CEMIP: variants seen among roughly 807,000 people sequenced by gnomAD.
CEMIP encodes cell migration-inducing and hyaluronan-binding protein.
A neutral mutation model predicts 156.9 loss-of-function variants in CEMIP; 105 were observed. The ratio of observed to expected loss-of-function variants is 0.67; its 90% CI spans 0.57 to 0.79. The LOEUF (loss-of-function observed/expected upper bound fraction) is 0.79, where lower values mean the gene tolerates loss of function less well. Among genes scored for constraint, CEMIP ranks in the 30% least tolerant of loss-of-function variants. The pLI is 0.00. For synonymous variants in CEMIP, 676 were observed against 668.4 expected (o/e 1.01, Z -0.17); for missense variants, 1,457 against 1,769.4 (o/e 0.82, Z 3.17).
rs111647260 is a variant in CEMIP, at chr15:80,928,479, GA to G, written c.2421-413del. Among the ~76,000 whole-genome samples, 36 of 148,976 alleles carry G rather than the reference GA, an allele frequency of 2.4e-4. No individual in the cohort carries two copies. The Middle Eastern group carries it at 0.01, about 43-fold the overall frequency. On this transcript the variant is annotated intron_variant, in intron 19 of 29. Transcript: ENST00000394685. ...TGAAACAGCAGTGAAGATGGTAAAA[GA>G]AAAAAAAAATAGAAGTGCATTCACA...
At chr15:80,867,427 G>C (rs1363978600) in intron 1 of CEMIP, among the ~76,000 whole-genome samples, 4 of 152,256 alleles carry the variant, frequency 2.6e-5, no homozygotes, top group African/African-American at 9.6e-5. Context: ...AGCAATGGGA[G>C]AGGTCTGGGC....
intron 4 of CEMIP, 24 bp downstream of exon 4, chr15:80,878,891 T>TC: frequency 6.2e-7 from 1 of 1,614,000 alleles, no homozygotes; most frequent in Non-Finnish European, 8.5e-7. Flanking sequence ...TCTCTGCTGC[T>TC]CCCTCTTCCC....
At chr15:80,909,414 C>CA in intron 14 of CEMIP, 108 bp downstream of exon 14, 1 of 1,110,140 alleles carries the variant, frequency 9.0e-7, no homozygotes. Context: ...GGGATTGAAC[C>CA]ATCCTTAGTT....
intron 12 of CEMIP, chr15:80,896,330 C>T (rs1286808178): frequency 3.2e-6 from 2 of 617,204 alleles, no homozygotes; most frequent in Non-Finnish European, 3.0e-6. Flanking sequence ...CTTCCCAAAA[C>T]ATATTCTTCT....
intron 23 of CEMIP, among the ~76,000 whole-genome samples, chr15:80,934,633 T>C (rs140399635): frequency 6.6e-6 from 1 of 152,120 alleles, no homozygotes; most frequent in Non-Finnish European, 1.5e-5. Flanking sequence ...TGTCAGGAAT[T>C]GGGGTGTTAG....
intron 1 of CEMIP, among the ~76,000 whole-genome samples, chr15:80,798,322 T>A (rs576206473): frequency 2.1e-4 from 32 of 152,328 alleles, no homozygotes; most frequent in Admixed American, 6.5e-4. Context: ...AAAGTCGTCT[T>A]TTTAATTGCT....
chr15:80,796,595 T>C (rs1340965351), intron 1 of CEMIP, among the ~76,000 whole-genome samples: 1 of 152,252 alleles, frequency 6.6e-6, no homozygotes, highest in Non-Finnish European at 1.5e-5. Context: ...CAGTCTGACC[T>C]GTTTACCGAA....
At chr15:80,825,428 C>T (rs546788293) in intron 1 of CEMIP, among the ~76,000 whole-genome samples, 1 of 152,320 alleles carries the variant, frequency 6.6e-6, no homozygotes, top group South Asian at 2.1e-4. Context: ...CTTCAAGGCC[C>T]AAGCCCTTTC....
intron 1 of CEMIP, among the ~76,000 whole-genome samples, chr15:80,835,431 G>C (rs1377479465): frequency 1.3e-5 from 2 of 152,266 alleles, no homozygotes; most frequent in Non-Finnish European, 2.9e-5. Context: ...AGCTCAATCA[G>C]TATCTGCCCA....
intron 1 of CEMIP, among the ~76,000 whole-genome samples, chr15:80,822,932 AACG>A: frequency 6.6e-6 from 1 of 152,196 alleles, no homozygotes; most frequent in African/African-American, 2.4e-5. Context: ...GAAACAGTCA[AACG>A]AAGTGAGAAC....
chr15:80,851,482 G>C (rs1020992883), intron 1 of CEMIP, among the ~76,000 whole-genome samples: 7 of 152,188 alleles, frequency 4.6e-5, no homozygotes, highest in African/African-American at 1.7e-4. Context: ...TCATGTTCTA[G>C]CATGGGAAAT....
At chr15:80,883,016 G>A (rs1483425693) in intron 6 of CEMIP, among the ~76,000 whole-genome samples, 1 of 152,164 alleles carries the variant, frequency 6.6e-6, no homozygotes, top group Non-Finnish European at 1.5e-5. Flanking sequence ...GTTAGGTGGG[G>A]CTGGACCAGA....
In CEMIP at chr15:80,906,525, C is replaced by T. The variant is rs2141887425; in HGVS notation, c.1412-138C>T. 2.5e-6 allele frequency: 2 copies of T among 811,228 alleles called. No individual in the cohort carries two copies. Among genetic ancestry groups the T allele is most frequent in the East Asian group, 5.2e-5 (2 of 38,672 alleles). The allele number at this position is 811,228 out of a possible 1,614,324, so 50.3% of individuals were successfully genotyped here. ...TGACTTCACCTCCCTGACCTTCATCCTTCTGTAACATGAGACCACTGTGCA... is the reference window on the plus strand; with the variant it reads ...TGACTTCACCTCCCTGACCTTCATCTTTCTGTAACATGAGACCACTGTGCA... On this transcript the variant is annotated intron_variant, in intron 12 of 29. Coordinates refer to ENST00000394685, the MANE Select transcript of CEMIP (RefSeq NM_001293298.2). This position sits in a 1 kb window ranked among gnomAD's most constrained non-coding sequence, Gnocchi z 4.3.
chr15:80,945,971 C>T (rs1432686365), intron 28 of CEMIP, among the ~76,000 whole-genome samples: 3 of 152,202 alleles, frequency 2.0e-5, no homozygotes, highest in African/African-American at 2.4e-5. Context: ...TGCTCCAAAC[C>T]TCTGTGTCTT....
At chr15:80,894,409 T>C (rs973677158) in intron 10 of CEMIP, among the ~76,000 whole-genome samples, 2 of 152,174 alleles carry the variant, frequency 1.3e-5, no homozygotes, top group African/African-American at 2.4e-5. Context: ...GCTATGAAGA[T>C]GAAATGAGAT....
chr15:80,807,627 G>A (rs1896546060), intron 1 of CEMIP, among the ~76,000 whole-genome samples: 1 of 152,214 alleles, frequency 6.6e-6, no homozygotes, highest in Admixed American at 6.5e-5. Flanking sequence ...AGTGTGCATG[G>A]TACTGTAGTC....
chr15:80,789,970 G>C (rs1266815515), intron 1 of CEMIP, among the ~76,000 whole-genome samples: 8 of 152,132 alleles, frequency 5.3e-5, no homozygotes. Flanking sequence ...AGCTCAGGGG[G>C]AACGAGGGGC....
intron 1 of CEMIP, among the ~76,000 whole-genome samples, chr15:80,862,036 C>G (rs748762352): frequency 6.6e-6 from 1 of 152,248 alleles, no homozygotes; most frequent in Non-Finnish European, 1.5e-5. Context: ...CATGGTGGGG[C>G]AGCCTCCTGC....
chr15:80,848,388 G>T (rs1897616593), intron 1 of CEMIP, among the ~76,000 whole-genome samples: 1 of 152,144 alleles, frequency 6.6e-6, no homozygotes, highest in South Asian at 2.1e-4. Flanking sequence ...GACACCTCGG[G>T]TTGGCCTCAG....
Sources: allele counts gnomAD v4.1 joint callset (sites outside exome capture counted in the v4.1 genomes callset), GRCh38; gene constraint gnomAD v4.1.1; non-coding constraint Gnocchi (gnomAD v3.1); transcripts MANE v1.5; gene names NCBI Gene and HGNC (gene_info 2026-07-23, HGNC 2026-07-21).